The following LTBP1 variants were observed in gnomAD, a reference collection of about 807,000 sequenced individuals.
The protein encoded by LTBP1 is latent transforming growth factor beta binding protein 1, also known as latent-transforming growth factor beta-binding protein 1.
Under a neutral mutation model 207.6 loss-of-function variants are expected in LTBP1, and 129 were observed. That is an observed-to-expected ratio of 0.62 (90% CI 0.54 to 0.72). LTBP1 has a LOEUF of 0.72. LTBP1 is among the 30% of genes least tolerant of loss of function. The pLI, the probability that LTBP1 is intolerant of heterozygous loss-of-function variation, is 0.00. For missense variants in LTBP1, 2,281 were observed against 2,217.2 expected, an observed-to-expected ratio of 1.03 and a Z score of -0.58; for synonymous variants, 963 against 833.7, an observed-to-expected ratio of 1.16 and a Z score of -2.67.
chr2:33,272,072 A>G (rs2148332379), intron 15 of LTBP1, among the ~76,000 whole-genome samples: 1 of 152,330 alleles, frequency 6.6e-6, no homozygotes, highest in South Asian at 2.1e-4. Flanking sequence ...ACTTTGTGTA[A>G]AATGCTGAAG....
At chr2:33,346,012 G>A (rs1573946076) in intron 25 of LTBP1, among the ~76,000 whole-genome samples, 1 of 152,292 alleles carries the variant, frequency 6.6e-6, no homozygotes, top group East Asian at 1.9e-4. Flanking sequence ...GCAAAATGTT[G>A]AATAAAGTGT....
chr2:33,347,268 C>T, intron 25 of LTBP1, 99 bp from the exon 26 acceptor site: 4 of 1,418,484 alleles, frequency 2.8e-6, no homozygotes, highest in Non-Finnish European at 3.9e-6. Context: ...GGATCGCCTT[C>T]TTTTCAGCAA....
intron 7 of LTBP1, among the ~76,000 whole-genome samples, chr2:33,216,717 C>T (rs888902459): frequency 2.0e-5 from 3 of 152,180 alleles, no homozygotes; most frequent in African/African-American, 4.8e-5. Context: ...TCAGCTGGTC[C>T]TCCCCTCAGG....
chr2:33,036,734 A>G (rs2075944434), intron 3 of LTBP1, among the ~76,000 whole-genome samples: 1 of 152,202 alleles, frequency 6.6e-6, no homozygotes, highest in Non-Finnish European at 1.5e-5. Flanking sequence ...CTGGGATTAC[A>G]GGCGTGAGAC....
At chr2:33,178,516 G>A (rs12611549) in intron 5 of LTBP1, among the ~76,000 whole-genome samples, 66,546 of 151,584 alleles carry the variant, frequency 0.44, 15,267 homozygotes, top group Non-Finnish European at 0.5. Context: ...ATGCCCACCA[G>A]CATTAAAAAT....
chr2:33,309,892 A>T (rs928855849), intron 23 of LTBP1, among the ~76,000 whole-genome samples: 1 of 150,822 alleles, frequency 6.6e-6, no homozygotes, highest in Non-Finnish European at 1.5e-5. Flanking sequence ...ATTTTGTCTC[A>T]TAGGTGGTAT....
In LTBP1 at chr2:33,331,208, T is replaced by C. The variant is rs563590959; in HGVS notation, c.3731-11630T>C. ...GTGGATTTGTTTCCTTTGTTTTCTA[T>C]TTTATTAATTTTTGCTTTTATATTT... On this transcript the variant is annotated intron_variant, in intron 24 of 33. Coordinates refer to ENST00000404816, the MANE Select transcript of LTBP1 (RefSeq NM_206943.4). Among the ~76,000 whole-genome samples, 13 of 151,636 alleles carry C rather than the reference T, an allele frequency of 8.6e-5. No individual in the cohort carries two copies. In the South Asian group the frequency reaches 2.7e-3, roughly 31 times the overall value.
chr2:33,287,097 AAC>A (rs1438093568), intron 19 of LTBP1, among the ~76,000 whole-genome samples: 1 of 127,272 alleles, frequency 7.9e-6, no homozygotes, highest in Non-Finnish European at 1.8e-5. Context: ...ATAAAATAAA[AAC>A]AACAACAACA....
At chr2:33,249,934 C>T (rs2092634613) in intron 10 of LTBP1, among the ~76,000 whole-genome samples, 1 of 152,108 alleles carries the variant, frequency 6.6e-6, no homozygotes, top group Non-Finnish European at 1.5e-5. Context: ...AGCATAAAAC[C>T]TTATGACTCA....
At chr2:33,083,257 CT>C (rs1215991679) in intron 3 of LTBP1, among the ~76,000 whole-genome samples, 1 of 151,906 alleles carries the variant, frequency 6.6e-6, no homozygotes, top group Non-Finnish European at 1.5e-5. Flanking sequence ...TCATACCCGT[CT>C]CTCAAGATCA....
chr2:33,143,922 C>T (rs1344124478), intron 5 of LTBP1, among the ~76,000 whole-genome samples: 1 of 152,056 alleles, frequency 6.6e-6, no homozygotes, highest in Non-Finnish European at 1.5e-5. Flanking sequence ...TCTTGACTTC[C>T]CTGCATGTAA....
At chr2:33,161,739 A>AAGT (rs1390522980) in intron 5 of LTBP1, among the ~76,000 whole-genome samples, 2 of 152,270 alleles carry the variant, frequency 1.3e-5, no homozygotes, top group Non-Finnish European at 2.9e-5. Flanking sequence ...TTAACAAAGA[A>AAGT]AGTAGAAACT....
At chr2:33,004,786 A>AATATATATATATATATGT (rs1686545093) in intron 2 of LTBP1, among the ~76,000 whole-genome samples, 3 of 101,130 alleles carry the variant, frequency 3.0e-5, no homozygotes, top group South Asian at 8.1e-4. Flanking sequence ...AAAAAAAAGG[A>AATATATATATATATATGT]ATATATATAT....
At chr2:33,116,785 C>CAA (rs756030533) in intron 4 of LTBP1, among the ~76,000 whole-genome samples, 6 of 132,248 alleles carry the variant, frequency 4.5e-5, no homozygotes, top group African/African-American at 8.4e-5. Context: ...CATTAAATTG[C>CAA]AAAAAAAAAA....
At chr2:32,985,115 A>G (rs1388790222) in intron 2 of LTBP1, among the ~76,000 whole-genome samples, 2 of 152,212 alleles carry the variant, frequency 1.3e-5, no homozygotes, top group African/African-American at 4.8e-5. Flanking sequence ...TAGGATCGAT[A>G]TAACTACTAG....
chr2:33,123,390 C>CT lies in LTBP1; in HGVS notation c.1034-11391dup, dbSNP rs113840029. 5.3e-3 allele frequency among the ~76,000 whole-genome samples: 771 copies of CT among 145,442 alleles called. 5 individuals are homozygous for CT. Among genetic ancestry groups the CT allele is most frequent in the African/African-American group, 0.012 (484 of 39,896 alleles). On this transcript the variant is annotated intron_variant, in intron 4 of 33. Transcript: ENST00000404816. ...CCTATCATGCCTCCTGTTCATTCAT[C>CT]TTTTTTTTTTTTGGTATGGGTTTTC...
At chr2:32,976,876 G>A (rs1208369191) in intron 2 of LTBP1, among the ~76,000 whole-genome samples, 2 of 152,198 alleles carry the variant, frequency 1.3e-5, no homozygotes, top group African/African-American at 2.4e-5. Flanking sequence ...CCTTGGCTAG[G>A]AGCCGTGAGG....
At chr2:33,228,534 T>G (rs1364318133) in intron 9 of LTBP1, among the ~76,000 whole-genome samples, 1 of 152,040 alleles carries the variant, frequency 6.6e-6, no homozygotes, top group East Asian at 1.9e-4. Flanking sequence ...TTATTGATCA[T>G]TTACTATGGG....
intron 30 of LTBP1, among the ~76,000 whole-genome samples, chr2:33,364,616 T>G (rs1220043690): frequency 6.6e-6 from 1 of 152,096 alleles, no homozygotes; most frequent in Non-Finnish European, 1.5e-5. Flanking sequence ...TTCCATGGCT[T>G]AGGGTTCATC....
Sources: allele counts gnomAD v4.1 joint callset (sites outside exome capture counted in the v4.1 genomes callset), GRCh38; gene constraint gnomAD v4.1.1; transcripts MANE v1.5; gene names NCBI Gene and HGNC (gene_info 2026-07-23, HGNC 2026-07-21).